Variants in CDK19 observed in about 807,000 individuals in gnomAD.
CDK19 encodes the protein cyclin dependent kinase 19.
In CDK19, 20 loss-of-function variants were observed where a neutral mutation model predicts 68.3. The ratio of observed to expected loss-of-function variants is 0.29; its 90% confidence interval spans 0.21 to 0.43. The LOEUF (loss-of-function observed/expected upper bound fraction) is 0.43. CDK19 is among the 20% of genes least tolerant of loss of function. CDK19 has a pLI of 1.00. For synonymous variants in CDK19, 221 were observed against 222.8 expected, an observed-to-expected ratio of 0.99 and a Z score of 0.07; for missense variants, 339 against 623.5, an observed-to-expected ratio of 0.54 and a Z score of 4.86.
At chr6:110,769,639 A>T (rs1442206808) in intron 1 of CDK19, among the ~76,000 whole-genome samples, 1 of 151,850 alleles carries the variant, frequency 6.6e-6, no homozygotes, top group Non-Finnish European at 1.5e-5. Flanking sequence ...TGGGAACTCT[A>T]CTTTCTACTC....
At chr6:110,704,827 G>A (rs1427184350) in intron 2 of CDK19, among the ~76,000 whole-genome samples, 1 of 152,098 alleles carries the variant, frequency 6.6e-6, no homozygotes, top group African/African-American at 2.4e-5. Context: ...CAATGAGAGG[G>A]AGATGGAGGG....
intron 4 of CDK19, among the ~76,000 whole-genome samples, chr6:110,644,346 T>C (rs1397696691): frequency 6.7e-6 from 1 of 150,072 alleles, no homozygotes; most frequent in African/African-American, 2.5e-5. Context: ...AGTAGAAATA[T>C]GGTTACCAGA....
chr6:110,706,113 C>T (rs566390438), intron 2 of CDK19, among the ~76,000 whole-genome samples: 7 of 152,036 alleles, frequency 4.6e-5, no homozygotes, highest in Non-Finnish European at 7.4e-5. Flanking sequence ...AGTGCAATGG[C>T]GTGATCTCTG....
intron 1 of CDK19, among the ~76,000 whole-genome samples, chr6:110,765,742 G>A (rs942633087): frequency 1.3e-5 from 2 of 151,016 alleles, no homozygotes; most frequent in Non-Finnish European, 2.9e-5. Flanking sequence ...ATATAACATG[G>A]GGAGAATTGA....
chr6:110,670,772 T>C (rs1424324248), intron 2 of CDK19: 4 of 613,550 alleles, frequency 6.5e-6, no homozygotes, highest in Admixed American at 6.5e-5. Context: ...CTGTTTTGTT[T>C]TGTTTTACTT....
intron 1 of CDK19, among the ~76,000 whole-genome samples, chr6:110,752,057 C>CA (rs889720510): frequency 0.015 from 2,134 of 140,462 alleles, 49 homozygotes; most frequent in African/African-American, 0.052. Flanking sequence ...TTTGAAATAA[C>CA]AAAAAAAAAA....
rs879872978 is a variant in CDK19, at chr6:110,815,367, G to A, written c.-231C>T. ...CCTCCTCCTCCGCGACGGCGGCGGC[G>A]GCTCCCGCAGGCACCCCCAGTCCCG... On this transcript the variant is annotated 5_prime_UTR_variant, in exon 1 of 13. Transcript: ENST00000368911. The A allele has an allele frequency of 3.0e-4, 116 of 383,650 alleles. No homozygotes were observed. The highest frequency in any genetic ancestry group is 7.1e-4 in the Middle Eastern group (1 of 1,418). 23.8% of individuals were successfully genotyped at this position (383,650 alleles called of 1,614,324 possible). A position where few individuals can be genotyped will look rare whatever the true frequency, so the allele number is the denominator to read the frequency against.
intron 2 of CDK19, among the ~76,000 whole-genome samples, chr6:110,694,443 C>G (rs541718486): frequency 6.6e-6 from 1 of 152,076 alleles, no homozygotes; most frequent in Non-Finnish European, 1.5e-5. Flanking sequence ...ATAAAAGGAT[C>G]GGTCCAACAG....
At chr6:110,675,677 G>A (rs1771462271) in intron 2 of CDK19, among the ~76,000 whole-genome samples, 2 of 150,490 alleles carry the variant, frequency 1.3e-5, no homozygotes. Flanking sequence ...CTCTACCTGT[G>A]CTCCATAAAT....
At chr6:110,769,108 T>C (rs1779798835) in intron 1 of CDK19, among the ~76,000 whole-genome samples, 1 of 140,024 alleles carries the variant, frequency 7.1e-6, no homozygotes, top group Non-Finnish European at 1.5e-5. Flanking sequence ...TAAGCCAAGA[T>C]TGTACCACTG....
intron 2 of CDK19, among the ~76,000 whole-genome samples, chr6:110,715,426 G>T (rs1775294274): frequency 6.6e-6 from 1 of 152,172 alleles, no homozygotes; most frequent in Non-Finnish European, 1.5e-5. Context: ...GACAGAAAAT[G>T]AGTCTTTAAT....
intron 5 of CDK19, among the ~76,000 whole-genome samples, chr6:110,634,960 A>C (rs1362220678): frequency 1.3e-5 from 2 of 152,242 alleles, no homozygotes; most frequent in South Asian, 2.1e-4. Flanking sequence ...ATTCCCATCT[A>C]TTTTATGAAC....
intron 2 of CDK19, among the ~76,000 whole-genome samples, chr6:110,739,412 T>C (rs1777486282): frequency 6.6e-6 from 1 of 152,140 alleles, no homozygotes; most frequent in Admixed American, 6.5e-5. Flanking sequence ...GATCCTGGAC[T>C]TCCCAGCCTC....
At chr6:110,721,352 C>T (rs1775875460) in intron 2 of CDK19, among the ~76,000 whole-genome samples, 1 of 152,124 alleles carries the variant, frequency 6.6e-6, no homozygotes, top group African/African-American at 2.4e-5. Context: ...TAGAGGCCTT[C>T]ATTTTTCCCC....
At chr6:110,696,720 G>A (rs139729020) in intron 2 of CDK19, among the ~76,000 whole-genome samples, 4,123 of 152,118 alleles carry the variant, frequency 0.027, 80 homozygotes, top group South Asian at 0.083. Flanking sequence ...CCAGGATTTC[G>A]AGACCAGCCT....
intron 2 of CDK19, among the ~76,000 whole-genome samples, chr6:110,690,143 T>TC (rs1316691158): frequency 6.6e-6 from 1 of 151,936 alleles, no homozygotes; most frequent in Non-Finnish European, 1.5e-5. Context: ...AGTTAGGGCT[T>TC]CCCCCACAGG....
chr6:110,789,523 C>T (rs9487526), intron 1 of CDK19, among the ~76,000 whole-genome samples: 3,936 of 152,158 alleles, frequency 0.026, 89 homozygotes, highest in African/African-American at 0.051. Flanking sequence ...GTGATTAATC[C>T]GCCTCGGCCT....
chr6:110,682,093 C>T (rs1329956920), intron 2 of CDK19, among the ~76,000 whole-genome samples: 1 of 152,164 alleles, frequency 6.6e-6, no homozygotes, highest in Non-Finnish European at 1.5e-5. Context: ...CTATGATGCC[C>T]TCATGGGTCC....
intron 1 of CDK19, among the ~76,000 whole-genome samples, chr6:110,762,149 G>A (rs1385924399): frequency 6.6e-6 from 1 of 152,172 alleles, no homozygotes; most frequent in East Asian, 1.9e-4. Flanking sequence ...AAATGGAGAA[G>A]AAGGATCCTC....
Sources: gnomAD v4.1 joint callset for allele counts (sites outside exome capture counted in the v4.1 genomes callset) on GRCh38, gnomAD v4.1.1 for gene constraint, MANE v1.5 for transcripts, NCBI Gene and HGNC (gene_info 2026-07-23, HGNC 2026-07-21) for gene names.